Variants in ZNF517 observed in about 807,000 individuals in gnomAD.
The protein encoded by ZNF517 is zinc finger protein 517.
A neutral mutation model predicts 12.1 loss-of-function variants in ZNF517; 12 were observed. The observed-to-expected ratio is 0.99, with a 90% CI of 0.63 to 1.61. The LOEUF is 1.61. Ranked by LOEUF, ZNF517 falls within the 40% of genes most tolerant of loss-of-function variation. The pLI, the probability that ZNF517 is intolerant of heterozygous loss-of-function variation, is 0.00. For synonymous variants in ZNF517, 388 were observed against 310.2 expected (o/e 1.25, Z -2.63); for missense variants, 781 against 693.2 (o/e 1.13, Z -1.42).
At chr8:144,800,400 C>A in intron 1 of ZNF517, 1 of 857,904 alleles carries the variant, frequency 1.2e-6, no homozygotes, top group Non-Finnish European at 1.4e-6. Flanking sequence ...CATGCACTCC[C>A]TAGACATGAG....
In ZNF517 at chr8:144,808,373, G is replaced by A; in HGVS notation, c.1457G>A (p.Arg486Gln). ...CCCGGGGAGGACACAGAGGGCAGGC[G>A]GGCGCCCTGTTGGGCTTCCTGATGA... Reference protein sequence around the residue: ...REPGEDTEGRRAPCWAS With the variant: ...REPGEDTEGRQAPCWAS The change falls in exon 5 of 5, where the codon CGG (arginine) becomes CAG (glutamine). Residue 486 changes from arginine (R) to glutamine (Q), a missense_variant. Coordinates refer to ENST00000359971, the MANE Select transcript of ZNF517 (RefSeq NM_213605.3). The A allele has an allele frequency of 2.1e-6, 3 of 1,460,194 alleles. No homozygotes were observed. Among genetic ancestry groups the A allele is most frequent in the South Asian group, 1.5e-5 (1 of 68,802 alleles). 90.5% of individuals were successfully genotyped at this position (1,460,194 alleles called of 1,614,324 possible).
intron 1 of ZNF517, among the ~76,000 whole-genome samples, chr8:144,799,458 G>C (rs2130405824): frequency 6.6e-6 from 1 of 152,230 alleles, no homozygotes; most frequent in East Asian, 1.9e-4. Context: ...ACCCCGCAGT[G>C]AGCGAACAGC....
chr8:144,806,504 A>G (rs1827230429), intron 4 of ZNF517, among the ~76,000 whole-genome samples: 1 of 149,118 alleles, frequency 6.7e-6, no homozygotes, highest in Admixed American at 6.7e-5. Context: ...TTTTTTTGAG[A>G]CAAGAGTTTT....
At chr8:144,803,985 A>C in intron 3 of ZNF517, 140 bp from the exon 4 acceptor site, 1 of 1,066,030 alleles carries the variant, frequency 9.4e-7, no homozygotes, top group Non-Finnish European at 1.3e-6. Context: ...CCCCCTGGCC[A>C]CCTAGCTGCC....
intron 1 of ZNF517, 144 bp from the exon 2 acceptor site, chr8:144,802,726 C>T: frequency 1.5e-6 from 2 of 1,367,656 alleles, no homozygotes; most frequent in Non-Finnish European, 1.9e-6. Flanking sequence ...GGATACACCT[C>T]CTTGGGACGT....
chr8:144,807,802 A>T lies in ZNF517; in HGVS notation c.886A>T (p.Lys296Ter). The T allele has an allele frequency of 6.2e-7, 1 of 1,611,248 alleles. No homozygotes were observed. Among genetic ancestry groups the T allele is most frequent in the South Asian group, 1.1e-5 (1 of 91,016 alleles). The change falls in exon 5 of 5, where the codon AAG becomes TAG. Residue 296 changes from lysine (K) to a stop codon, truncating the protein, a stop_gained. Transcript: ENST00000359971. LOFTEE classifies it low-confidence loss of function (END_TRUNC). The stretch of plus-strand genomic sequence containing the variant: ...GCCCTTCGCGTGCACAGAGTGCGGC[A>T]AGGCGTTCTGCCGCAGGTTCACCCT... ...EKPFACTECG[K>*]AFCRRFTLNE...
Position 144,807,496 on chromosome 8 carries a change from AG to A in ZNF517, c.582del (p.Arg194SerfsTer32), listed in dbSNP as rs762133500. ...GTTCAGATACAACTCGCTGCTTCTC[AG>A]GCACCAGATCATCCACACCGGCGCC... ...KAFRYNSLLL[R>X]HQIIHTGAKP... On this transcript the variant is annotated frameshift_variant, in exon 5 of 5. Coordinates refer to ENST00000359971, the MANE Select transcript of ZNF517 (RefSeq NM_213605.3). LOFTEE classifies it low-confidence loss of function (END_TRUNC). 3.8e-6 allele frequency: 6 copies of A among 1,587,994 alleles called. No individual in the cohort carries two copies. In the Admixed American group the frequency reaches 1.1e-4, roughly 28 times the overall value.
At chr8:144,799,664 T>G (rs1266113140) in intron 1 of ZNF517, among the ~76,000 whole-genome samples, 12 of 152,052 alleles carry the variant, frequency 7.9e-5, no homozygotes, top group Admixed American at 6.6e-4. Context: ...CATTTGGCCG[T>G]GCGCAATGGC....
Position 144,804,155 on chromosome 8 carries a change from C to T in ZNF517, c.191C>T (p.Ser64Phe). 4 of 1,614,154 alleles carry T rather than the reference C, an allele frequency of 2.5e-6. 1 individual carries two copies. In the South Asian group the frequency reaches 4.4e-5, roughly 18 times the overall value. Residue 64 changes from serine (S) to phenylalanine (F), a missense_variant, in exon 4 of 5, where the codon TCC becomes TTC. Coordinates refer to ENST00000359971, the MANE Select transcript of ZNF517 (RefSeq NM_213605.3). ...CTTGTTGCCAAACCAGCACTGATCT[C>T]CCTATTGGAGCAAGGAGAGGAGCCG... ...GFLVAKPALI[S>F]LLEQGEEPGA...
rs1827494491 is a variant in ZNF517 at position 144,809,905 on chromosome 8, T to C, written c.*1510T>C. 5.4e-6 allele frequency: 2 copies of C among 371,860 alleles called. No homozygotes were observed. The highest frequency in any genetic ancestry group is 8.0e-5 in the East Asian group (2 of 24,886). The allele number at this position is 371,860 out of a possible 1,614,324, so 23.0% of individuals were successfully genotyped here. A position where few individuals can be genotyped will look rare whatever the true frequency, so the allele number is the denominator to read the frequency against. On this transcript the variant is annotated 3_prime_UTR_variant, in exon 5 of 5. Coordinates refer to ENST00000359971, the MANE Select transcript of ZNF517 (RefSeq NM_213605.3). ...CCGTCTCTACTAAAAGTACAAAAAG[T>C]AGCTGGGTGTGGTGCTGGGTGCCTG...
intron 1 of ZNF517, among the ~76,000 whole-genome samples, chr8:144,801,638 C>T (rs1289914154): frequency 6.6e-6 from 1 of 152,152 alleles, no homozygotes; most frequent in Non-Finnish European, 1.5e-5. Flanking sequence ...CCACCATGCC[C>T]GGCTAATTTT....
intron 4 of ZNF517, among the ~76,000 whole-genome samples, chr8:144,805,568 G>A (rs1004958713): frequency 6.6e-6 from 1 of 151,664 alleles, no homozygotes; most frequent in African/African-American, 2.4e-5. Context: ...CTGACCTTGT[G>A]ATCCACCGCC....
In ZNF517 at chr8:144,802,876, C is replaced by G. The variant is rs1318833378; in HGVS notation, c.-39C>G. 1.9e-6 allele frequency: 3 copies of G among 1,613,814 alleles called. No individual in the cohort carries two copies. The highest frequency in any genetic ancestry group is 2.5e-6 in the Non-Finnish European group (3 of 1,179,908). On this transcript the variant is annotated 5_prime_UTR_variant, in exon 2 of 5. Coordinates refer to ENST00000359971, the MANE Select transcript of ZNF517 (RefSeq NM_213605.3). ...TGGCTCTATGTTCCCTCAGAATTCA[C>G]TGTCTGTAGCATCTGCTCCTCCACA... is the stretch of plus-strand genomic sequence containing the variant.
Position 144,807,797 on chromosome 8 carries a change from G to A in ZNF517, c.881G>A (p.Cys294Tyr). 6.2e-7 allele frequency: 1 copy of A among 1,611,494 alleles called. No homozygotes were observed. Among genetic ancestry groups the A allele is most frequent in the South Asian group, 1.1e-5 (1 of 91,036 alleles). Residue 294 changes from cysteine (C) to tyrosine (Y), a missense_variant, in exon 5 of 5, where the codon TGC becomes TAC. Physicochemically the swap from Cys to Tyr is radical, Grantham distance 194. Transcript: ENST00000359971. ...TGEKPFACTE[C>Y]GKAFCRRFTL... Reference sequence around the variant, plus strand: ...GAGAAGCCCTTCGCGTGCACAGAGTGCGGCAAGGCGTTCTGCCGCAGGTTC... The same window carrying A: ...GAGAAGCCCTTCGCGTGCACAGAGTACGGCAAGGCGTTCTGCCGCAGGTTC...
intron 4 of ZNF517, among the ~76,000 whole-genome samples, chr8:144,806,240 CTCTACG>C (rs1827219345): frequency 2.0e-5 from 3 of 152,162 alleles, no homozygotes; most frequent in Non-Finnish European, 4.4e-5. Context: ...CAGGCACCTG[CTCTACG>C]CACCTGCCCA....
At chr8:144,801,046 C>T (rs1234909380) in intron 1 of ZNF517, among the ~76,000 whole-genome samples, 2 of 152,118 alleles carry the variant, frequency 1.3e-5, no homozygotes, top group African/African-American at 4.8e-5. Context: ...CCAGGCTGGT[C>T]ACGAACTCCT....
chr8:144,813,298 A>G (rs1332704908), downstream of ZNF517, among the ~76,000 whole-genome samples: 1 of 143,944 alleles, frequency 6.9e-6, no homozygotes, highest in East Asian at 2.0e-4. Flanking sequence ...CCTGGATGAC[A>G]GAGCCGGACT....
chr8:144,806,845 A>C (rs888271585), intron 4 of ZNF517, among the ~76,000 whole-genome samples: 1 of 152,184 alleles, frequency 6.6e-6, no homozygotes, highest in South Asian at 2.1e-4. Context: ...ACGTCTAACA[A>C]AGACTCTGTC....
At chr8:144,803,959 G>A in intron 3 of ZNF517, 166 bp from the exon 4 acceptor site, 4 of 1,093,304 alleles carry the variant, frequency 3.7e-6, no homozygotes, top group South Asian at 1.6e-5. Context: ...TCTCTCCTGG[G>A]GCAGGCCCCC....
Sources: allele counts gnomAD v4.1 joint callset (sites outside exome capture counted in the v4.1 genomes callset), GRCh38; gene constraint gnomAD v4.1.1; transcripts MANE v1.5; gene names NCBI Gene and HGNC (gene_info 2026-07-23, HGNC 2026-07-21).